Variants in CRLF2 observed in about 807,000 individuals in gnomAD.
CRLF2 encodes the protein cytokine receptor-like factor 2.
A neutral mutation model predicts 38.7 loss-of-function variants in CRLF2; 41 were observed. That is an observed-to-expected ratio of 1.06 (90% CI 0.83 to 1.37). The LOEUF is 1.37. CRLF2 is among the 40% of genes most tolerant of loss of function. CRLF2 has a pLI of 0.00. For synonymous variants in CRLF2, 140 were observed against 128.8 expected (o/e 1.09, Z -0.59); for missense variants, 377 against 322.2 (o/e 1.17, Z -1.30).
At chrX:1,210,387 C>G (rs1177090213) in intron 1 of CRLF2, among the ~76,000 whole-genome samples, 9 of 152,210 alleles carry the variant, frequency 5.9e-5, no homozygotes, top group Non-Finnish European at 4.4e-5. Context: ...GATCCCGGCT[C>G]ACTGCAAGCT....
Position 1,202,915 on chromosome X carries a change from C to A in CRLF2, c.350-380G>T, listed in dbSNP as rs776076066. On this transcript the variant is annotated intron_variant, in intron 3 of 7. Coordinates refer to ENST00000400841, the MANE Select transcript of CRLF2 (RefSeq NM_022148.4). ...CCTGAAGTCAGGAGTTCGAGACCAGCCTGGCCAATATGCTAAAACCCCGTC... is the reference window on the plus strand; with the variant it reads ...CCTGAAGTCAGGAGTTCGAGACCAGACTGGCCAATATGCTAAAACCCCGTC... 2.6e-5 allele frequency among the ~76,000 whole-genome samples: 4 copies of A among 151,878 alleles called. No homozygotes were observed. In the East Asian group the frequency reaches 7.8e-4, roughly 29 times the overall value.
chrX:1,207,442 G>A (rs1391148684), intron 2 of CRLF2, among the ~76,000 whole-genome samples: 9 of 149,220 alleles, frequency 6.0e-5, no homozygotes, highest in Admixed American at 1.4e-4. Flanking sequence ...ATTTTTAGTA[G>A]AGACGAGGTT....
At chrX:1,192,556 C>T in intron 7 of CRLF2, among the ~76,000 whole-genome samples, 1 of 151,984 alleles carries the variant, frequency 6.6e-6, no homozygotes, top group Non-Finnish European at 1.5e-5. Flanking sequence ...GTGGAGGTTG[C>T]AGTGAGCCGA....
intron 3 of CRLF2, among the ~76,000 whole-genome samples, chrX:1,204,169 T>TGTGTGTGTGTGTGTGTGTG (rs2086655364): frequency 6.6e-6 from 1 of 150,756 alleles, no homozygotes; most frequent in Non-Finnish European, 1.5e-5. Context: ...TGTGTGTGTG[T>TGTGTGTGTGTGTGTGTGTG]GTGTGTGTGT....
intron 4 of CRLF2, among the ~76,000 whole-genome samples, chrX:1,200,076 G>A (rs866124572): frequency 6.7e-6 from 1 of 148,742 alleles, no homozygotes; most frequent in Non-Finnish European, 1.5e-5. Flanking sequence ...GTATATATGT[G>A]TATATGTATT....
chrX:1,206,491 G>A lies in CRLF2; in HGVS notation c.291C>T (p.Phe97=). 6.2e-7 allele frequency: 1 copy of A among 1,613,620 alleles called. No individual in the cohort carries two copies. Residue 97 remains phenylalanine, a synonymous_variant, in exon 3 of 8, where the codon TTC becomes TTT. Transcript: ENST00000400841. ...CGGGGTGCGTCCCATTCCTGATGGAGAAATAGAGAATGTCGTCTCGCTGCT... is the reference window on the plus strand; with the variant it reads ...CGGGGTGCGTCCCATTCCTGATGGAAAAATAGAGAATGTCGTCTCGCTGCT... ...DAEQRDDILY[F]SIRNGTHPVF... is the part of the protein sequence containing the mutation.
intron 4 of CRLF2, chrX:1,199,082 A>G (rs1228909840): frequency 7.6e-6 from 3 of 396,634 alleles, no homozygotes; most frequent in South Asian, 5.7e-5. Flanking sequence ...CTGGGAGGCG[A>G]AGGTTGTAGC....
chrX:1,196,642 C>CACCA, intron 6 of CRLF2, 138 bp downstream of exon 6: 2 of 1,122,576 alleles, frequency 1.8e-6, no homozygotes, highest in East Asian at 2.6e-5. Flanking sequence ...TCTTATAATC[C>CACCA]ACCATCAGAA....
intron 3 of CRLF2, among the ~76,000 whole-genome samples, chrX:1,204,336 C>T (rs1603398285): frequency 6.6e-6 from 1 of 151,980 alleles, no homozygotes; most frequent in African/African-American, 2.4e-5. Context: ...TCAAGAGATT[C>T]TCCTGCCTCA....
intron 1 of CRLF2, among the ~76,000 whole-genome samples, chrX:1,211,356 G>C (rs868539992): frequency 4.7e-4 from 62 of 131,912 alleles, no homozygotes; most frequent in African/African-American, 1.2e-3. Flanking sequence ...TGGGTGGATG[G>C]GTGGATGGAT....
intron 6 of CRLF2, 63 bp downstream of exon 6, chrX:1,196,717 C>G: frequency 1.3e-6 from 2 of 1,573,850 alleles, no homozygotes; most frequent in East Asian, 2.3e-5. Context: ...AATCTTTTTT[C>G]GTACTTCACA....
chrX:1,207,383 G>A (rs748824525), intron 2 of CRLF2, among the ~76,000 whole-genome samples: 10 of 151,698 alleles, frequency 6.6e-5, no homozygotes, highest in African/African-American at 2.2e-4. Flanking sequence ...AGCCTCCCAA[G>A]TTGCTGGGAT....
chrX:1,198,335 ACCTCGAAGGCAGGACAGCCTC>A (rs2086533063), intron 5 of CRLF2, among the ~76,000 whole-genome samples: 51 of 62,720 alleles, frequency 8.1e-4, no homozygotes, highest in South Asian at 2.6e-3. Flanking sequence ...CCTCCCTCCC[ACCTCGAAGGCAGGACAGCCTC>A]CCTCCCACCT....
At chrX:1,205,991 G>T (rs1172236191) in intron 3 of CRLF2, among the ~76,000 whole-genome samples, 1 of 151,824 alleles carries the variant, frequency 6.6e-6, no homozygotes, top group Non-Finnish European at 1.5e-5. Flanking sequence ...AAGTAGGCTG[G>T]GTTGCTTTTC....
At chrX:1,205,935 A>G (rs2086683204) in intron 3 of CRLF2, among the ~76,000 whole-genome samples, 1 of 151,708 alleles carries the variant, frequency 6.6e-6, no homozygotes, top group Admixed American at 6.6e-5. Flanking sequence ...GGTAATTTGC[A>G]TGAGCTTTTC....
intron 7 of CRLF2, among the ~76,000 whole-genome samples, chrX:1,192,219 A>AAAC (rs2086397318): frequency 1.4e-5 from 2 of 138,374 alleles, no homozygotes; most frequent in Non-Finnish European, 3.2e-5. Flanking sequence ...AAAAAAAAAA[A>AAAC]ACAAAAAAAA....
chrX:1,193,543 T>C (rs1375034335), intron 6 of CRLF2, among the ~76,000 whole-genome samples: 3 of 151,900 alleles, frequency 2.0e-5, no homozygotes, highest in South Asian at 2.1e-4. Flanking sequence ...TTTGGGAGGC[T>C]GAGGCGGATG....
chrX:1,209,921 G>A (rs1461922633), intron 1 of CRLF2, among the ~76,000 whole-genome samples: 2 of 151,628 alleles, frequency 1.3e-5, no homozygotes, highest in Non-Finnish European at 2.9e-5. Context: ...GGCCAACATG[G>A]TGAAACCCCG....
chrX:1,191,314 T>C (rs1371035715), intron 7 of CRLF2, among the ~76,000 whole-genome samples, 154 bp from the exon 8 acceptor site: 1 of 115,942 alleles, frequency 8.6e-6, no homozygotes, highest in African/African-American at 3.2e-5. Flanking sequence ...TCTTTCTTTC[T>C]TTCTTTCTTT....
Sources: gnomAD v4.1 joint callset for allele counts (sites outside exome capture counted in the v4.1 genomes callset) on GRCh38, gnomAD v4.1.1 for gene constraint, MANE v1.5 for transcripts, NCBI Gene and HGNC (gene_info 2026-07-23, HGNC 2026-07-21) for gene names.